The following ANK3 variants were observed in gnomAD, a reference collection of about 807,000 sequenced individuals.
ANK3 encodes the protein ankyrin 3, also known as ankyrin-3.
A neutral mutation model predicts 370.9 loss-of-function variants in ANK3; 57 were observed. That is an observed-to-expected ratio of 0.15 (90% confidence interval 0.12 to 0.19). The LOEUF is 0.19. ANK3 is among the 10% of genes least tolerant of loss of function. ANK3 has a pLI of 1.00. For missense variants in ANK3, 4,439 were observed against 5,302.1 expected (o/e 0.84, Z 5.06); for synonymous variants, 1,929 against 1,946.3 (o/e 0.99, Z 0.23).
At chr10:60,701,148 G>C (rs1173579913) in intron 1 of ANK3, among the ~76,000 whole-genome samples, 1 of 151,834 alleles carries the variant, frequency 6.6e-6, no homozygotes, top group East Asian at 1.9e-4. Context: ...TGAAAAAAAG[G>C]TTTAACATTT....
chr10:60,143,677 C>T (rs1478756869), intron 23 of ANK3, among the ~76,000 whole-genome samples: 1 of 152,194 alleles, frequency 6.6e-6, no homozygotes, highest in Non-Finnish European at 1.5e-5. Context: ...CCCTTACCTC[C>T]AATGAACTAT....
intron 2 of ANK3, among the ~76,000 whole-genome samples, chr10:60,544,516 A>C (rs974710908): frequency 6.6e-6 from 1 of 152,064 alleles, no homozygotes; most frequent in African/African-American, 2.4e-5. Context: ...ATAACCTTCA[A>C]ACTCTGACAG....
chr10:60,631,011 G>A (rs2078476209), intron 1 of ANK3, among the ~76,000 whole-genome samples: 1 of 152,022 alleles, frequency 6.6e-6, no homozygotes, highest in South Asian at 2.1e-4. Context: ...GCTGGATTTG[G>A]GTACAGGAGA....
At chr10:60,331,414 A>C (rs1218210936) in intron 1 of ANK3, among the ~76,000 whole-genome samples, 3 of 152,178 alleles carry the variant, frequency 2.0e-5, no homozygotes, top group Admixed American at 1.3e-4. Flanking sequence ...AGATTGGAAA[A>C]AAAACAAAAC....
chr10:60,199,694 T>C (rs1017081279), intron 13 of ANK3, among the ~76,000 whole-genome samples: 13 of 148,346 alleles, frequency 8.8e-5, no homozygotes, highest in Non-Finnish European at 1.8e-4. Flanking sequence ...ACAGCTTGTG[T>C]AGAAAAAAAA....
intron 2 of ANK3, among the ~76,000 whole-genome samples, chr10:60,469,295 A>ACATATACCACTTTTAGTGTG (rs2065119627): frequency 6.8e-6 from 1 of 147,520 alleles, no homozygotes; most frequent in Admixed American, 6.8e-5. Flanking sequence ...GTGTATATAT[A>ACATATACCACTTTTAGTGTG]TATATATATA....
intron 4 of ANK3, among the ~76,000 whole-genome samples, chr10:60,273,321 G>T (rs1196392022): frequency 1.3e-5 from 2 of 151,740 alleles, no homozygotes; most frequent in African/African-American, 4.8e-5. Context: ...CTTGTTTTTT[G>T]ATTTTTAAAA....
At chr10:60,178,169 A>G (rs1185764449) in intron 18 of ANK3, among the ~76,000 whole-genome samples, 1 of 152,134 alleles carries the variant, frequency 6.6e-6, no homozygotes, top group Non-Finnish European at 1.5e-5. Flanking sequence ...TGAGATCTTA[A>G]TTTTCTAGCA....
intron 2 of ANK3, among the ~76,000 whole-genome samples, chr10:60,481,425 C>G (rs2075212355): frequency 6.6e-6 from 1 of 151,924 alleles, no homozygotes; most frequent in South Asian, 2.1e-4. Context: ...TGGAATTGAG[C>G]AAAATTCCGT....
chr10:60,587,227 T>C (rs546812472), intron 2 of ANK3, among the ~76,000 whole-genome samples: 2 of 152,258 alleles, frequency 1.3e-5, no homozygotes, highest in African/African-American at 2.4e-5. Flanking sequence ...ACTGCCCCCA[T>C]GGTCCAATCA....
At chr10:60,615,595 ATT>A (rs1034100260) in intron 1 of ANK3, among the ~76,000 whole-genome samples, 4 of 152,110 alleles carry the variant, frequency 2.6e-5, no homozygotes, top group African/African-American at 9.7e-5. Flanking sequence ...GTAATTTAAA[ATT>A]TTTTTCCTCC....
intron 2 of ANK3, among the ~76,000 whole-genome samples, chr10:60,515,873 G>C (rs2076205730): frequency 6.6e-6 from 1 of 152,030 alleles, no homozygotes; most frequent in South Asian, 2.1e-4. Context: ...GTATCTTTTG[G>C]AACCAACTAT....
At chr10:60,266,990 G>C (rs141295965) in intron 5 of ANK3, among the ~76,000 whole-genome samples, 1 of 152,174 alleles carries the variant, frequency 6.6e-6, no homozygotes, top group Admixed American at 6.5e-5. Flanking sequence ...ATTATATATA[G>C]AGAGAAAAGA....
intron 25 of ANK3, among the ~76,000 whole-genome samples, chr10:60,130,328 A>G (rs1286397867): frequency 6.6e-6 from 1 of 152,218 alleles, no homozygotes; most frequent in Non-Finnish European, 1.5e-5. Flanking sequence ...AACTGTGGTT[A>G]ATATGCAAAC....
chr10:60,409,718 C>A (rs992866121), intron 2 of ANK3, among the ~76,000 whole-genome samples: 1 of 152,120 alleles, frequency 6.6e-6, no homozygotes, highest in South Asian at 2.1e-4. Flanking sequence ...CTTGAAGGAT[C>A]ATCTATGTGG....
intron 7 of ANK3, among the ~76,000 whole-genome samples, chr10:60,247,513 C>T (rs72820467): frequency 0.035 from 5,341 of 152,244 alleles, 121 homozygotes; most frequent in Non-Finnish European, 0.055. Context: ...ATTAGCTACG[C>T]CTATGCCCCT....
intron 1 of ANK3, among the ~76,000 whole-genome samples, chr10:60,730,652 T>C (rs920015776): frequency 2.0e-5 from 3 of 152,224 alleles, no homozygotes; most frequent in African/African-American, 7.2e-5. Flanking sequence ...GGCCCTATTG[T>C]TCCAAGTACC....
rs34302629 is a variant in ANK3, at chr10:60,301,123, G to GATATAT, written c.115-21490_115-21485dup. On this transcript the variant is annotated intron_variant, in intron 1 of 43. Coordinates refer to ENST00000280772, the MANE Select transcript of ANK3 (RefSeq NM_020987.5). ...ACCAAACAACTCATTGAATACTTCCGATATATATATATATATATATATGTA... is the reference window on the plus strand; with the variant it reads ...ACCAAACAACTCATTGAATACTTCCGATATATATATATATATATATATATATATGTA... Among the ~76,000 whole-genome samples, 139 of 135,216 alleles carry GATATAT rather than the reference G, an allele frequency of 1.0e-3. 1 individual carries two copies. Among genetic ancestry groups the GATATAT allele is most frequent in the East Asian group, 6.5e-3 (30 of 4,582 alleles). 88.7% of individuals were successfully genotyped at this position (135,216 alleles called of 152,430 possible).
At chr10:60,138,874 T>C in intron 24 of ANK3, 90 bp downstream of exon 24, 1 of 1,531,702 alleles carries the variant, frequency 6.5e-7, no homozygotes, top group South Asian at 1.2e-5. Context: ...GAACACATTT[T>C]GGGATAATGT....
Sources: gnomAD v4.1 joint callset for allele counts (sites outside exome capture counted in the v4.1 genomes callset) on GRCh38, gnomAD v4.1.1 for gene constraint, MANE v1.5 for transcripts, NCBI Gene and HGNC (gene_info 2026-07-23, HGNC 2026-07-21) for gene names.